The following RP2 variants were observed in gnomAD, a reference collection of about 807,000 sequenced individuals.
RP2 encodes protein XRP2.
In RP2, 3 loss-of-function variants were observed where a neutral mutation model predicts 20.3. That is an observed-to-expected ratio of 0.15 (90% CI 0.07 to 0.38). RP2 has a LOEUF of 0.38. RP2 is among the 10% of genes least tolerant of loss of function. The pLI is 1.00. For missense variants in RP2, 233 were observed against 268.5 expected (o/e 0.87, Z 0.92); for synonymous variants, 75 against 94.8 (o/e 0.79, Z 1.22).
intron 4 of RP2, among the ~76,000 whole-genome samples, chrX:46,879,088 A>AC (rs1405312752): frequency 1.3e-4 from 13 of 101,564 alleles, no homozygotes; most frequent in African/African-American, 4.6e-4. Context: ...AAAAAAAAAA[A>AC]AACTAGCTAG....
chrX:46,862,651 C>T (rs1925096766), intron 3 of RP2, among the ~76,000 whole-genome samples: 1 of 111,628 alleles, frequency 9.0e-6, no homozygotes, highest in Admixed American at 9.5e-5. Flanking sequence ...CAGAGCAAGA[C>T]TCTGTCTCAA....
At chrX:46,847,720 ATGTGTG>A (rs35890795) in intron 1 of RP2, among the ~76,000 whole-genome samples, 1 of 86,174 alleles carries the variant, frequency 1.2e-5, no homozygotes, top group South Asian at 5.2e-4. Context: ...ACACACATAT[ATGTGTG>A]TGTGTATATA....
In RP2 at chrX:46,847,788, A is replaced by ATG. The variant is rs1491013750; in HGVS notation, c.103-5678_103-5677dup. Among the ~76,000 whole-genome samples the ATG allele has an allele frequency of 1.4e-3, 83 of 58,644 alleles. 1 individual carries two copies. The highest frequency in any genetic ancestry group is 5.6e-3 in the African/African-American group (44 of 7,908). The allele number at this position is 58,644 out of a possible 115,157, so 50.9% of individuals were successfully genotyped here. A position where few individuals can be genotyped will look rare whatever the true frequency, so the allele number is the denominator to read the frequency against. On this transcript the variant is annotated intron_variant, in intron 1 of 4. Coordinates refer to ENST00000218340, the MANE Select transcript of RP2 (RefSeq NM_006915.3). ...CACATGTGTGTGTGTACATACACAC[A>ATG]TGTGTGTGTGTATATATATACACAC...
chrX:46,882,133 A>C lies in RP2; in HGVS notation c.*2364A>C, dbSNP rs191292353. 1 of 112,551 alleles carries C rather than the reference A, an allele frequency of 8.9e-6. No homozygotes were observed. Among genetic ancestry groups the C allele is most frequent in the East Asian group, 2.8e-4 (1 of 3,616 alleles). The allele number at this position is 112,551 out of a possible 1,213,427, so 9.3% of individuals were successfully genotyped here. On this transcript the variant is annotated 3_prime_UTR_variant, in exon 5 of 5. Transcript: ENST00000218340. The stretch of plus-strand genomic sequence containing the variant: ...CCTTTGATAGTAATCAGAATGTATT[A>C]CATTTCATTTCTGAATAGCTTTTGA...
intron 2 of RP2, among the ~76,000 whole-genome samples, chrX:46,858,859 A>C (rs993569475): frequency 4.5e-5 from 5 of 111,871 alleles, no homozygotes; most frequent in Non-Finnish European, 9.4e-5. Context: ...AGAAAGAGTA[A>C]AATAAGTTTA....
rs782449049 is a variant in RP2, at chrX:46,852,555, T to C, written c.103-921T>C. ...ATAGAGAAATATATTTCAGTCTGGG[T>C]ACATTCCCAATTTCAGAATTTTATT... On this transcript the variant is annotated intron_variant, in intron 1 of 4. Transcript: ENST00000218340. 6.3e-5 allele frequency among the ~76,000 whole-genome samples: 7 copies of C among 111,055 alleles called. 1 individual carries two copies. The South Asian group carries it at 2.7e-3, about 42-fold the overall frequency.
chrX:46,847,790 G>GTGTGTGTGTATATACACACATA (rs1569531404), intron 1 of RP2, among the ~76,000 whole-genome samples: 44 of 80,009 alleles, frequency 5.5e-4, no homozygotes, highest in African/African-American at 2.1e-3. Context: ...ATACACACAT[G>GTGTGTGTGTATATACACACATA]TGTGTGTGTA....
At chrX:46,875,404 A>T (rs1925360619) in intron 3 of RP2, among the ~76,000 whole-genome samples, 1 of 110,047 alleles carries the variant, frequency 9.1e-6, no homozygotes, top group Non-Finnish European at 1.9e-5. Context: ...GGTTAACTTG[A>T]AATATGCTTC....
intron 3 of RP2, among the ~76,000 whole-genome samples, chrX:46,874,488 CTAAATG>C (rs1925341340): frequency 9.0e-6 from 1 of 110,675 alleles, no homozygotes; most frequent in Non-Finnish European, 1.9e-5. Context: ...TCCAAATGTA[CTAAATG>C]TAGAGAGTAC....
rs1281051735 is a variant in RP2, at chrX:46,843,024, T to C, written c.102+5822T>C. On this transcript the variant is annotated intron_variant, in intron 1 of 4. Coordinates refer to ENST00000218340, the MANE Select transcript of RP2 (RefSeq NM_006915.3). ...GTTTAACTTTTTTTTTTTTTTTTTT[T>C]TGAGACGTAGTCTCACTCTGTCGCC... 2.8e-5 allele frequency among the ~76,000 whole-genome samples: 3 copies of C among 105,649 alleles called. No homozygotes were observed. The Admixed American group carries it at 3.0e-4, about 11-fold the overall frequency. 91.7% of individuals were successfully genotyped at this position (105,649 alleles called of 115,157 possible). A position where few individuals can be genotyped will look rare whatever the true frequency, so the allele number is the denominator to read the frequency against.
At chrX:46,878,646 G>A (rs1404708732) in intron 4 of RP2, among the ~76,000 whole-genome samples, 2 of 110,966 alleles carry the variant, frequency 1.8e-5, no homozygotes, top group African/African-American at 6.6e-5. Context: ...CTAAGGGAGA[G>A]GGAAAATACC....
chrX:46,847,792 GTGTGTGTATATATATACACACATATA>G (rs1486560271), intron 1 of RP2, among the ~76,000 whole-genome samples: 2 of 94,741 alleles, frequency 2.1e-5, no homozygotes, highest in Non-Finnish European at 4.2e-5. Flanking sequence ...ACACACATGT[GTGTGTGTATATATATACACACATATA>G]TGTGTATATG....
intron 3 of RP2, among the ~76,000 whole-genome samples, chrX:46,873,501 A>G (rs2147088101): frequency 8.9e-6 from 1 of 112,324 alleles, no homozygotes; most frequent in Admixed American, 9.5e-5. Context: ...TGTTGTCAAC[A>G]TTGTAGTTTT....
chrX:46,877,774 T>A (rs1159404498), intron 4 of RP2, among the ~76,000 whole-genome samples, 184 bp downstream of exon 4: 1 of 109,317 alleles, frequency 9.1e-6, no homozygotes, highest in Non-Finnish European at 1.9e-5. Flanking sequence ...GATAAATAAT[T>A]GGGAACTAAG....
chrX:46,839,244 A>G (rs1370336106), intron 1 of RP2, among the ~76,000 whole-genome samples: 2 of 111,742 alleles, frequency 1.8e-5, no homozygotes, highest in Admixed American at 9.6e-5. Context: ...GTTAAATTTT[A>G]TACAATTTAA....
intron 1 of RP2, among the ~76,000 whole-genome samples, chrX:46,847,744 A>ATATACACACATG (rs1924754287): frequency 1.2e-5 from 1 of 81,529 alleles, no homozygotes; most frequent in East Asian, 3.7e-4. Flanking sequence ...ATACACACAT[A>ATATACACACATG]TGTGTGTGTG....
At chrX:46,846,635 T>A (rs181789798) in intron 1 of RP2, among the ~76,000 whole-genome samples, 1 of 111,746 alleles carries the variant, frequency 8.9e-6, no homozygotes, top group African/African-American at 3.2e-5. Context: ...TGCCAAACTA[T>A]TTTTCAAAGT....
intron 3 of RP2, among the ~76,000 whole-genome samples, chrX:46,863,562 C>T (rs1556321133): frequency 8.9e-6 from 1 of 111,948 alleles, no homozygotes; most frequent in Non-Finnish European, 1.9e-5. Context: ...GGCCATCAGT[C>T]ATTCTAAGGC....
intron 3 of RP2, 107 bp from the exon 4 acceptor site, chrX:46,877,398 T>A: frequency 3.4e-6 from 2 of 581,097 alleles, no homozygotes; most frequent in Non-Finnish European, 5.8e-6. Context: ...TCCTTCTCTT[T>A]CACCCTCAAA....
Sources: allele counts gnomAD v4.1 joint callset (sites outside exome capture counted in the v4.1 genomes callset), GRCh38; gene constraint gnomAD v4.1.1; transcripts MANE v1.5; gene names NCBI Gene and HGNC (gene_info 2026-07-23, HGNC 2026-07-21).